The following SETBP1 variants were observed in gnomAD, a reference collection of about 807,000 sequenced individuals.
SETBP1 encodes SET binding protein 1.
SETBP1 carries 9 observed loss-of-function variants against 101.0 expected under a neutral mutation model. The ratio of observed to expected loss-of-function variants is 0.09; its 90% confidence interval spans 0.05 to 0.16. The LOEUF is 0.16. Among genes scored for constraint, SETBP1 ranks in the 10% least tolerant of loss-of-function variants. SETBP1 has a pLI of 1.00. For missense variants in SETBP1, 1,858 were observed against 2,033.8 expected (o/e 0.91, Z 1.66); for synonymous variants, 818 against 788.5 (o/e 1.04, Z -0.63).
intron 3 of SETBP1, among the ~76,000 whole-genome samples, chr18:44,944,320 C>G (rs2071154559): frequency 6.6e-6 from 1 of 152,182 alleles, no homozygotes; most frequent in Admixed American, 6.5e-5. Context: ...GTGGTTGGTT[C>G]TGCATGTTTA....
chr18:44,683,079 G>A (rs1183305421), intron 1 of SETBP1, among the ~76,000 whole-genome samples: 1 of 152,180 alleles, frequency 6.6e-6, no homozygotes, highest in Non-Finnish European at 1.5e-5. Context: ...CGGTTAAGAA[G>A]GGGGCCACTT....
At chr18:44,962,026 G>T (rs1460265392) in intron 4 of SETBP1, among the ~76,000 whole-genome samples, 1 of 152,118 alleles carries the variant, frequency 6.6e-6, no homozygotes, top group Non-Finnish European at 1.5e-5. Flanking sequence ...AGAGGTCTTT[G>T]GTCACCCAGC....
At chr18:44,984,525 C>A (rs940822213) in intron 4 of SETBP1, among the ~76,000 whole-genome samples, 1 of 152,146 alleles carries the variant, frequency 6.6e-6, no homozygotes, top group Non-Finnish European at 1.5e-5. Context: ...TCTTGCTGTC[C>A]AGCCCAGGTC....
chr18:44,935,939 C>T (rs2070946656), intron 3 of SETBP1, among the ~76,000 whole-genome samples: 1 of 152,132 alleles, frequency 6.6e-6, no homozygotes, highest in African/African-American at 2.4e-5. Context: ...TGTAAGATAC[C>T]AATTCTCAAA....
At chr18:44,972,300 C>T (rs894100927) in intron 4 of SETBP1, among the ~76,000 whole-genome samples, 3 of 152,178 alleles carry the variant, frequency 2.0e-5, no homozygotes, top group Non-Finnish European at 2.9e-5. Context: ...AGTTTGAAGT[C>T]AGGTAGTGTG....
chr18:45,054,333 G>A (rs959278648), intron 5 of SETBP1, among the ~76,000 whole-genome samples: 16 of 152,130 alleles, frequency 1.1e-4, no homozygotes, highest in Admixed American at 3.3e-4. Flanking sequence ...GATTGCAGGC[G>A]TGCGCCACCA....
intron 2 of SETBP1, among the ~76,000 whole-genome samples, chr18:44,772,322 T>A (rs1028189627): frequency 6.6e-6 from 1 of 152,148 alleles, no homozygotes; most frequent in African/African-American, 2.4e-5. Flanking sequence ...GAGTTTTGTT[T>A]TTTCTTTAAA....
chr18:44,738,499 C>T lies in SETBP1; in HGVS notation c.486+36667C>T, dbSNP rs1009277980. ...CAGCTTGAAAGAAGGAAAGATTGAG[C>T]GCTGTGGCTCACACCTGTAATCCCA... On this transcript the variant is annotated intron_variant, in intron 2 of 5. Transcript: ENST00000649279. Among the ~76,000 whole-genome samples the T allele has an allele frequency of 5.3e-5, 8 of 152,122 alleles. No individual in the cohort carries two copies. The East Asian group carries it at 1.3e-3, about 26-fold the overall frequency.
intron 3 of SETBP1, among the ~76,000 whole-genome samples, chr18:44,938,976 G>C (rs2071024787): frequency 6.6e-6 from 1 of 151,608 alleles, no homozygotes; most frequent in Non-Finnish European, 1.5e-5. Flanking sequence ...GTGTGTGTGT[G>C]TGTGTGTCTG....
intron 2 of SETBP1, among the ~76,000 whole-genome samples, chr18:44,819,150 T>C (rs1057475331): frequency 7.5e-6 from 1 of 132,698 alleles, no homozygotes; most frequent in East Asian, 2.3e-4. Context: ...CTTCCCTTTT[T>C]CCTCTTGATA....
intron 4 of SETBP1, among the ~76,000 whole-genome samples, chr18:44,964,416 G>A (rs2071678212): frequency 6.6e-6 from 1 of 152,034 alleles, no homozygotes; most frequent in Non-Finnish European, 1.5e-5. Context: ...TCATCCTTTA[G>A]TACATGTGTC....
rs562724676 is a variant in SETBP1, at chr18:44,712,711, G to A, written c.486+10879G>A. The stretch of plus-strand genomic sequence containing the variant: ...GGGCAGTGTTTCTGATTGGGCTTGC[G>A]TGCTATTGGATCATGAAGGAAGCCA... On this transcript the variant is annotated intron_variant, in intron 2 of 5. Coordinates refer to ENST00000649279, the MANE Select transcript of SETBP1 (RefSeq NM_015559.3). 8.5e-5 allele frequency among the ~76,000 whole-genome samples: 13 copies of A among 152,086 alleles called. No homozygotes were observed. The East Asian group carries it at 1.6e-3, about 18-fold the overall frequency.
intron 2 of SETBP1, among the ~76,000 whole-genome samples, chr18:44,757,765 G>A (rs2070533391): frequency 6.6e-6 from 1 of 152,042 alleles, no homozygotes. Context: ...CCTGACTCCT[G>A]AGTCCAGACT....
At chr18:44,851,587 C>T (rs2072864483) in intron 2 of SETBP1, among the ~76,000 whole-genome samples, 2 of 152,202 alleles carry the variant, frequency 1.3e-5, no homozygotes, top group African/African-American at 4.8e-5. Flanking sequence ...TTCCTTTGTC[C>T]CTTTCTCTCT....
At chr18:44,729,108 G>C (rs2069778080) in intron 2 of SETBP1, among the ~76,000 whole-genome samples, 1 of 152,234 alleles carries the variant, frequency 6.6e-6, no homozygotes, top group African/African-American at 2.4e-5. Flanking sequence ...TACAGAGCTA[G>C]TAAGAGGTAG....
intron 4 of SETBP1, among the ~76,000 whole-genome samples, chr18:44,966,749 A>G (rs888624618): frequency 6.6e-6 from 1 of 152,182 alleles, no homozygotes; most frequent in Admixed American, 6.5e-5. Context: ...AGCTTAGTAG[A>G]GCAAAGAAAG....
intron 3 of SETBP1, among the ~76,000 whole-genome samples, chr18:44,887,623 T>A (rs2069678443): frequency 6.6e-6 from 1 of 152,110 alleles, no homozygotes; most frequent in African/African-American, 2.4e-5. Context: ...CAGACTGTAG[T>A]GTGCACAGGC....
intron 3 of SETBP1, among the ~76,000 whole-genome samples, chr18:44,945,488 A>G (rs994620997): frequency 1.3e-5 from 2 of 152,228 alleles, no homozygotes; most frequent in Admixed American, 6.5e-5. Flanking sequence ...CTCAATGTAC[A>G]TGGAAAACAT....
At chr18:44,681,438 G>A (rs1438956848) in intron 1 of SETBP1, among the ~76,000 whole-genome samples, 1 of 152,138 alleles carries the variant, frequency 6.6e-6, no homozygotes, top group African/African-American at 2.4e-5. Flanking sequence ...TGTGATGGAA[G>A]CATTGTTGGG....
Sources: gnomAD v4.1 joint callset for allele counts (sites outside exome capture counted in the v4.1 genomes callset) on GRCh38, gnomAD v4.1.1 for gene constraint, MANE v1.5 for transcripts, NCBI Gene and HGNC (gene_info 2026-07-23, HGNC 2026-07-21) for gene names.